Variants in ATL2 observed in about 807,000 individuals in gnomAD.
ATL2 encodes atlastin-2.
In ATL2, 31 loss-of-function variants were observed where a neutral mutation model predicts 73.9. The observed-to-expected ratio is 0.42, with a 90% CI of 0.32 to 0.57. The LOEUF (loss-of-function observed/expected upper bound fraction) is 0.57, where lower values mean the gene tolerates loss of function less well. ATL2 is among the 20% of genes least tolerant of loss of function. The pLI, the probability that ATL2 is intolerant of heterozygous loss-of-function variation, is 0.14. For synonymous variants in ATL2, 291 were observed against 237.5 expected, an observed-to-expected ratio of 1.23 and a Z score of -2.07; for missense variants, 738 against 702.6, an observed-to-expected ratio of 1.05 and a Z score of -0.57.
chr2:38,297,366 G>A (rs946343733), intron 12 of ATL2, among the ~76,000 whole-genome samples: 4 of 152,058 alleles, frequency 2.6e-5, no homozygotes, highest in African/African-American at 9.7e-5. Flanking sequence ...ATTAATAACC[G>A]TAGCTTTCAT....
intron 1 of ATL2, among the ~76,000 whole-genome samples, chr2:38,347,767 CTT>C (rs1177228968): frequency 4.0e-4 from 54 of 133,856 alleles, no homozygotes; most frequent in Non-Finnish European, 2.9e-4. Flanking sequence ...CTGCCCTTAC[CTT>C]TTTTTTTTTT....
At chr2:38,345,425 TTAGAGCCTCTACCTC>T (rs1669963873) in intron 1 of ATL2, among the ~76,000 whole-genome samples, 1 of 152,198 alleles carries the variant, frequency 6.6e-6, no homozygotes, top group African/African-American at 2.4e-5. Flanking sequence ...GCAAAGACTA[TTAGAGCCTCTACCTC>T]CACATCACGA....
intron 2 of ATL2, among the ~76,000 whole-genome samples, chr2:38,333,086 C>G (rs76284042): frequency 6.6e-6 from 1 of 151,930 alleles, no homozygotes; most frequent in Admixed American, 6.6e-5. Flanking sequence ...AGCTGGGCCA[C>G]GCACAGTGGC....
chr2:38,306,335 C>T (rs977438786), intron 9 of ATL2, among the ~76,000 whole-genome samples: 1 of 152,170 alleles, frequency 6.6e-6, no homozygotes, highest in Non-Finnish European at 1.5e-5. Context: ...AATACCAATC[C>T]TACTCAACTA....
chr2:38,340,520 T>C lies in ATL2; in HGVS notation c.363+2748A>G, dbSNP rs1669654337. Among the ~76,000 whole-genome samples the C allele has an allele frequency of 2.0e-5, 3 of 152,318 alleles. No homozygotes were observed. In the South Asian group the frequency reaches 6.2e-4, roughly 32 times the overall value. On this transcript the variant is annotated intron_variant, in intron 2 of 12. Coordinates refer to ENST00000378954, the MANE Select transcript of ATL2 (RefSeq NM_001135673.4). ...CAATTCTGTCTTTGATTACAGATTTTAATCTCCTCTTATAAAACTACTCAC... is the reference window on the plus strand; with the variant it reads ...CAATTCTGTCTTTGATTACAGATTTCAATCTCCTCTTATAAAACTACTCAC...
intron 2 of ATL2, among the ~76,000 whole-genome samples, chr2:38,325,852 T>C (rs1447793409): frequency 1.4e-5 from 2 of 141,574 alleles, no homozygotes; most frequent in Non-Finnish European, 3.0e-5. Flanking sequence ...ATTAGCCAAC[T>C]CCAGCCCCAT....
intron 1 of ATL2, among the ~76,000 whole-genome samples, chr2:38,355,313 G>C (rs1385276631): frequency 1.3e-5 from 2 of 152,102 alleles, no homozygotes; most frequent in Non-Finnish European, 2.9e-5. Flanking sequence ...TTTTAGTAGA[G>C]ACAGGGTTTC....
intron 1 of ATL2, among the ~76,000 whole-genome samples, chr2:38,349,351 T>C (rs1173458735): frequency 1.3e-5 from 2 of 151,178 alleles, no homozygotes; most frequent in East Asian, 1.9e-4. Flanking sequence ...CCATAAAAAA[T>C]GATGAGTTCA....
chr2:38,355,726 G>C (rs1417380097), intron 1 of ATL2, among the ~76,000 whole-genome samples: 2 of 140,804 alleles, frequency 1.4e-5, no homozygotes, highest in Middle Eastern at 3.5e-3. Flanking sequence ...TTTTCTTTGA[G>C]TCTCGCTCTG....
chr2:38,350,265 C>T (rs775310037), intron 1 of ATL2, among the ~76,000 whole-genome samples: 3 of 152,162 alleles, frequency 2.0e-5, no homozygotes, highest in Non-Finnish European at 4.4e-5. Flanking sequence ...GTTTTCCCTA[C>T]GCTAGCCCCC....
chr2:38,360,889 G>A (rs1009967760), intron 1 of ATL2, among the ~76,000 whole-genome samples: 3 of 151,128 alleles, frequency 2.0e-5, no homozygotes, highest in Admixed American at 2.0e-4. Flanking sequence ...CAAGAAGAAC[G>A]AAACATGGTT....
intron 9 of ATL2, among the ~76,000 whole-genome samples, chr2:38,305,944 G>C (rs1421236723): frequency 1.3e-5 from 2 of 151,588 alleles, no homozygotes; most frequent in Non-Finnish European, 2.9e-5. Flanking sequence ...CAATACAAAA[G>C]ATCAATGAAG....
Position 38,314,551 on chromosome 2 carries a change from G to A in ATL2, c.711+57C>T, listed in dbSNP as rs1387701318. The A allele has an allele frequency of 4.0e-6, 5 of 1,256,834 alleles. No homozygotes were observed. In the African/African-American group the frequency reaches 5.9e-5, roughly 15 times the overall value. 77.9% of individuals were successfully genotyped at this position (1,256,834 alleles called of 1,614,324 possible). Reference sequence around the variant, plus strand: ...TGGTGTCTCCAAAATTACAAACTGAGGTGGCTTCACAACTTCTCATAGGCT... The same window carrying A: ...TGGTGTCTCCAAAATTACAAACTGAAGTGGCTTCACAACTTCTCATAGGCT... On this transcript the variant is annotated intron_variant, in intron 6 of 12. Transcript: ENST00000378954.
chr2:38,337,590 T>C (rs1669443777), intron 2 of ATL2, among the ~76,000 whole-genome samples: 1 of 151,040 alleles, frequency 6.6e-6, no homozygotes, highest in Non-Finnish European at 1.5e-5. Flanking sequence ...TCTATATTAT[T>C]GTAATGTTCA....
chr2:38,312,370 A>G (rs561301133), intron 7 of ATL2, among the ~76,000 whole-genome samples: 1 of 150,730 alleles, frequency 6.6e-6, no homozygotes, highest in Admixed American at 6.5e-5. Context: ...GTTAAAAAGT[A>G]TGTGGCACTT....
intron 1 of ATL2, among the ~76,000 whole-genome samples, chr2:38,347,787 T>A (rs1046116612): frequency 7.0e-6 from 1 of 142,900 alleles, no homozygotes; most frequent in Non-Finnish European, 1.5e-5. Context: ...TTTTTTTTTT[T>A]AAGGCAGAGC....
chr2:38,377,103 C>T (rs746304787), intron 1 of ATL2, 40 bp downstream of exon 1: 53 of 1,584,520 alleles, frequency 3.3e-5, no homozygotes, highest in Middle Eastern at 2.3e-4. Flanking sequence ...AGCGTCTCTC[C>T]CCATCAGGGC....
intron 1 of ATL2, among the ~76,000 whole-genome samples, chr2:38,360,586 G>T (rs570971575): frequency 6.6e-6 from 1 of 152,106 alleles, no homozygotes; most frequent in East Asian, 1.9e-4. Flanking sequence ...CCCAGCCTCG[G>T]GGAACTCTAT....
At chr2:38,324,210 G>A (rs556626378) in intron 2 of ATL2, among the ~76,000 whole-genome samples, 39 of 152,170 alleles carry the variant, frequency 2.6e-4, no homozygotes, top group African/African-American at 8.9e-4. Flanking sequence ...CCCGGGAGGC[G>A]GAGGATGCGA....
Sources: gnomAD v4.1 joint callset for allele counts (sites outside exome capture counted in the v4.1 genomes callset) on GRCh38, gnomAD v4.1.1 for gene constraint, MANE v1.5 for transcripts, NCBI Gene and HGNC (gene_info 2026-07-23, HGNC 2026-07-21) for gene names.